Variants in GCH1 observed in about 807,000 individuals in gnomAD.
The protein encoded by GCH1 is GTP cyclohydrolase 1.
Under a neutral mutation model 25.9 loss-of-function variants are expected in GCH1, and 5 were observed. The ratio of observed to expected loss-of-function variants is 0.19; its 90% CI spans 0.10 to 0.41. GCH1 has a LOEUF of 0.41. Among genes scored for constraint, GCH1 ranks in the 10% least tolerant of loss-of-function variants. The pLI is 1.00. For synonymous variants in GCH1, 159 were observed against 129.6 expected (o/e 1.23, Z -1.54); for missense variants, 261 against 336.5 (o/e 0.78, Z 1.75).
chr14:54,869,690 G>A (rs2040041489), intron 1 of GCH1, among the ~76,000 whole-genome samples: 1 of 151,750 alleles, frequency 6.6e-6, no homozygotes, highest in Non-Finnish European at 1.5e-5. Context: ...ATGTTGGTCA[G>A]ACTGGTCTGG....
At chr14:54,850,915 T>G (rs931652253) in intron 3 of GCH1, among the ~76,000 whole-genome samples, 6 of 152,220 alleles carry the variant, frequency 3.9e-5, no homozygotes, top group African/African-American at 1.4e-4. Context: ...TCTTTGCTAT[T>G]GTGAATAGTG....
chr14:54,880,479 C>CACTCCATATATATATATAT (rs1555361269), intron 1 of GCH1, among the ~76,000 whole-genome samples: 548 of 49,390 alleles, frequency 0.011, 81 homozygotes, highest in African/African-American at 0.019. Flanking sequence ...TATATATATA[C>CACTCCATATATATATATAT]ACTCCATATA....
intron 2 of GCH1, among the ~76,000 whole-genome samples, chr14:54,864,956 TCAAGTTAAAATAA>T (rs1454213878): frequency 6.6e-6 from 1 of 151,994 alleles, no homozygotes; most frequent in African/African-American, 2.4e-5. Context: ...CAAACATTAT[TCAAGTTAAAATAA>T]AGGGCATCTC....
At position 54,843,887 on chromosome 14, in the gene GCH1, T is replaced by C. The variant is rs372648744; in HGVS notation, c.*130A>G. The C allele has an allele frequency of 7.5e-6, 12 of 1,607,750 alleles. No individual in the cohort carries two copies. Among genetic ancestry groups the C allele is most frequent in the East Asian group, 2.2e-5 (1 of 44,780 alleles). On this transcript the variant is annotated 3_prime_UTR_variant, in exon 6 of 6. Coordinates refer to ENST00000491895, the MANE Select transcript of GCH1 (RefSeq NM_000161.3). The stretch of plus-strand genomic sequence containing the variant: ...TTGACTTCCTAGAAATAATTTTAAA[T>C]ATAATTAGTGACAAGGAATAAAGTT...
chr14:54,874,656 A>C (rs1363015110), intron 1 of GCH1, among the ~76,000 whole-genome samples: 1 of 152,244 alleles, frequency 6.6e-6, no homozygotes, highest in East Asian at 1.9e-4. Context: ...CTCAGGATAC[A>C]AAATCAATGT....
rs566937632 is a variant in GCH1 at position 54,851,910 on chromosome 14, AG to A, written c.510-4781del. ...AGGATTATAAATCATGCTGCTATAA[AG>A]ACACATGCACACATATGTTTATTGC... On this transcript the variant is annotated intron_variant, in intron 3 of 5. Coordinates refer to ENST00000491895, the MANE Select transcript of GCH1 (RefSeq NM_000161.3). Among the ~76,000 whole-genome samples, 392 of 152,344 alleles carry A rather than the reference AG, an allele frequency of 2.6e-3. 2 individuals carry two copies. Among genetic ancestry groups the A allele is most frequent in the African/African-American group, 8.9e-3 (372 of 41,576 alleles).
intron 1 of GCH1, among the ~76,000 whole-genome samples, chr14:54,890,452 C>T (rs1015970330): frequency 6.6e-6 from 1 of 152,100 alleles, no homozygotes; most frequent in Non-Finnish European, 1.5e-5. Flanking sequence ...GAGACGAGAT[C>T]GCGCCATTGC....
At chr14:54,901,108 C>G (rs2040560080) in intron 1 of GCH1, among the ~76,000 whole-genome samples, 1 of 152,116 alleles carries the variant, frequency 6.6e-6, no homozygotes, top group Non-Finnish European at 1.5e-5. Context: ...TGATTTCCCA[C>G]CCTTCCTTTG....
At chr14:54,865,462 A>C in intron 1 of GCH1, 26 bp from the exon 2 acceptor site, 1 of 1,084,624 alleles carries the variant, frequency 9.2e-7, no homozygotes, top group Non-Finnish European at 1.4e-6. Context: ...TGCTTTAGTA[A>C]CATGTCCAAT....
At chr14:54,852,744 G>A (rs1302639967) in intron 3 of GCH1, among the ~76,000 whole-genome samples, 3 of 152,034 alleles carry the variant, frequency 2.0e-5, no homozygotes, top group South Asian at 2.1e-4. Context: ...AGAACCCATC[G>A]ACAACGTAAA....
intron 1 of GCH1, among the ~76,000 whole-genome samples, chr14:54,880,501 CATAT>C (rs1200018608): frequency 1.1e-5 from 1 of 90,154 alleles, no homozygotes; most frequent in Non-Finnish European, 2.1e-5. Flanking sequence ...ATATATACTC[CATAT>C]ATATATATAC....
At chr14:54,878,638 G>A (rs1315222013) in intron 1 of GCH1, among the ~76,000 whole-genome samples, 1 of 152,194 alleles carries the variant, frequency 6.6e-6, no homozygotes, top group Non-Finnish European at 1.5e-5. Flanking sequence ...AAGTTTCTGA[G>A]TTAAGCATTA....
At chr14:54,867,761 C>T (rs111630397) in intron 1 of GCH1, among the ~76,000 whole-genome samples, 4 of 152,044 alleles carry the variant, frequency 2.6e-5, no homozygotes, top group African/African-American at 9.6e-5. Flanking sequence ...ACTATGCAGG[C>T]GGAGCAAGTG....
intron 1 of GCH1, among the ~76,000 whole-genome samples, chr14:54,866,623 C>T (rs751626647): frequency 1.3e-5 from 2 of 152,046 alleles, no homozygotes; most frequent in Non-Finnish European, 2.9e-5. Flanking sequence ...CAGCTCTTTC[C>T]CCTCAGAAAG....
chr14:54,879,615 GC>G (rs1183602806), intron 1 of GCH1, among the ~76,000 whole-genome samples: 1 of 152,094 alleles, frequency 6.6e-6, no homozygotes, highest in Non-Finnish European at 1.5e-5. Flanking sequence ...AAAGCGTGTA[GC>G]AGAAGGATAT....
intron 1 of GCH1, among the ~76,000 whole-genome samples, chr14:54,901,218 T>C (rs1437144886): frequency 2.0e-5 from 3 of 152,156 alleles, no homozygotes; most frequent in East Asian, 1.9e-4. Flanking sequence ...GGCAGGGAGA[T>C]TGCCTTTCCA....
At chr14:54,888,679 A>ATTT (rs58982226) in intron 1 of GCH1, among the ~76,000 whole-genome samples, 1,918 of 138,448 alleles carry the variant, frequency 0.014, 23 homozygotes, top group South Asian at 0.046. Flanking sequence ...CGCCCGGCTA[A>ATTT]TTTTTTTTTT....
intron 1 of GCH1, among the ~76,000 whole-genome samples, chr14:54,897,271 C>T (rs1216396883): frequency 2.2e-4 from 31 of 142,890 alleles, no homozygotes; most frequent in African/African-American, 8.9e-4. Flanking sequence ...CAGACTTGAG[C>T]CCCCGTGCCC....
chr14:54,845,208 A>G (rs954057392), intron 5 of GCH1, among the ~76,000 whole-genome samples: 2 of 151,650 alleles, frequency 1.3e-5, no homozygotes, highest in African/African-American at 4.8e-5. Flanking sequence ...AGCTGGGCGC[A>G]GGGGCTCACG....
Sources: gnomAD v4.1 joint callset for allele counts (sites outside exome capture counted in the v4.1 genomes callset) on GRCh38, gnomAD v4.1.1 for gene constraint, MANE v1.5 for transcripts, NCBI Gene and HGNC (gene_info 2026-07-23, HGNC 2026-07-21) for gene names.